The following MICU1 variants were observed in gnomAD, a reference collection of about 807,000 sequenced individuals.
MICU1 encodes mitochondrial calcium uptake 1.
In MICU1, 45 loss-of-function variants were observed where a neutral mutation model predicts 56.8. That is an observed-to-expected ratio of 0.79 (90% CI 0.62 to 1.02). The LOEUF (loss-of-function observed/expected upper bound fraction) is 1.02, where lower values mean the gene tolerates loss of function less well. Among genes scored for constraint, MICU1 ranks in the 50% least tolerant of loss-of-function variants. MICU1 has a pLI of 0.00. For synonymous variants in MICU1, 186 were observed against 195.1 expected (o/e 0.95, Z 0.39); for missense variants, 504 against 587.1 (o/e 0.86, Z 1.46).
intron 5 of MICU1, among the ~76,000 whole-genome samples, chr10:72,509,137 GA>G (rs1314896511): frequency 5.3e-5 from 8 of 152,116 alleles, no homozygotes; most frequent in African/African-American, 1.9e-4. Flanking sequence ...TTCAAAAACT[GA>G]AAAGGATCCA....
intron 8 of MICU1, among the ~76,000 whole-genome samples, chr10:72,435,803 C>T (rs1013455981): frequency 1.3e-5 from 2 of 152,262 alleles, no homozygotes; most frequent in Non-Finnish European, 2.9e-5. Flanking sequence ...CAGCAGTCTG[C>T]GATCGAACTG....
chr10:72,493,256 C>T (rs1314046090), intron 6 of MICU1, among the ~76,000 whole-genome samples: 1 of 152,066 alleles, frequency 6.6e-6, no homozygotes, highest in Non-Finnish European at 1.5e-5. Context: ...CTTTCCAAAA[C>T]AGAATAATAG....
At chr10:72,433,833 TAAAA>T (rs1487950764) in intron 8 of MICU1, among the ~76,000 whole-genome samples, 1 of 152,208 alleles carries the variant, frequency 6.6e-6, no homozygotes. Context: ...CAAGGAAACA[TAAAA>T]TATTAAAACA....
At chr10:72,479,460 C>T (rs1192523578) in intron 6 of MICU1, among the ~76,000 whole-genome samples, 1 of 152,212 alleles carries the variant, frequency 6.6e-6, no homozygotes, top group Non-Finnish European at 1.5e-5. Context: ...GTGTTATGCT[C>T]AGGAGTTTAG....
intron 6 of MICU1, among the ~76,000 whole-genome samples, chr10:72,495,233 TA>T (rs34238664): frequency 0.61 from 88,770 of 145,430 alleles, 27,090 homozygotes; most frequent in Non-Finnish European, 0.68. Context: ...TTCAGAGATC[TA>T]AAAAAAAAAA....
chr10:72,577,124 G>A (rs1362071035), intron 1 of MICU1, among the ~76,000 whole-genome samples: 1 of 152,132 alleles, frequency 6.6e-6, no homozygotes, highest in Non-Finnish European at 1.5e-5. Context: ...ATAAGTGGGA[G>A]CTAAGCTATG....
At chr10:72,465,724 T>A (rs577164113) in intron 8 of MICU1, among the ~76,000 whole-genome samples, 1 of 151,744 alleles carries the variant, frequency 6.6e-6, no homozygotes, top group East Asian at 2.0e-4. Context: ...ATGTTGGCCA[T>A]GCTGGTCTCA....
chr10:72,610,800 A>G (rs1344889487), intron 1 of MICU1, among the ~76,000 whole-genome samples: 1 of 152,236 alleles, frequency 6.6e-6, no homozygotes, highest in Non-Finnish European at 1.5e-5. Context: ...CTTGGAGCAT[A>G]AAGCTGAGTG....
chr10:72,539,277 T>C (rs986449678), intron 4 of MICU1, among the ~76,000 whole-genome samples: 1 of 152,178 alleles, frequency 6.6e-6, no homozygotes, highest in African/African-American at 2.4e-5. Context: ...ATCCAACTGC[T>C]ACAGAATACA....
chr10:72,532,764 C>T (rs1839523294), intron 5 of MICU1: 1 of 680,208 alleles, frequency 1.5e-6, no homozygotes, highest in Non-Finnish European at 1.8e-6. Flanking sequence ...GGCACTGTGC[C>T]ACCTTAATAG....
chr10:72,532,887 C>T (rs1839526144), intron 5 of MICU1: 2 of 1,170,830 alleles, frequency 1.7e-6, no homozygotes, highest in Non-Finnish European at 2.1e-6. Context: ...CTCCACCTTA[C>T]CAGGATATGG....
chr10:72,592,878 G>A (rs6480634), intron 1 of MICU1, among the ~76,000 whole-genome samples: 85,344 of 150,878 alleles, frequency 0.57, 25,516 homozygotes, highest in Non-Finnish European at 0.68. Flanking sequence ...TGCCTCCCGG[G>A]TTCAAGCGAT....
chr10:72,566,483 T>C (rs1840441984), intron 2 of MICU1, 150 bp downstream of exon 2: 1 of 809,974 alleles, frequency 1.2e-6, no homozygotes, highest in Non-Finnish European at 1.9e-6. Flanking sequence ...TTGAAACATC[T>C]TATTTCATAG....
chr10:72,526,593 G>C (rs1158618443), intron 5 of MICU1, among the ~76,000 whole-genome samples: 1 of 152,176 alleles, frequency 6.6e-6, no homozygotes, highest in Non-Finnish European at 1.5e-5. Flanking sequence ...ACTGCGCCCA[G>C]CCAGTAAATT....
chr10:72,547,266 T>G (rs903085751), intron 4 of MICU1, among the ~76,000 whole-genome samples: 7 of 152,042 alleles, frequency 4.6e-5, no homozygotes, highest in African/African-American at 1.4e-4. Context: ...TTTGAACTCC[T>G]GGCCTCAAGC....
Position 72,566,039 on chromosome 10 carries a change from CTTTTTTTTTTTT to C in MICU1, c.161+582_161+593del, listed in dbSNP as rs11376019. Among the ~76,000 whole-genome samples the C allele has an allele frequency of 3.9e-4, 27 of 69,834 alleles. No individual in the cohort carries two copies. The East Asian group carries it at 8.7e-3, about 23-fold the overall frequency. The allele number at this position is 69,834 out of a possible 152,430, so 45.8% of individuals were successfully genotyped here. A position where few individuals can be genotyped will look rare whatever the true frequency, so the allele number is the denominator to read the frequency against. ...TGAAGTCTCAGAAAGCATTCATTTTCTTTTTTTTTTTTTTTTTTTTTTTGGAGACAGTTTTTC... is the reference window on the plus strand; with the variant it reads ...TGAAGTCTCAGAAAGCATTCATTTTCTTTTTTTTTTTGGAGACAGTTTTTC... On this transcript the variant is annotated intron_variant, in intron 2 of 11. Coordinates refer to ENST00000361114, the MANE Select transcript of MICU1 (RefSeq NM_001195518.2).
rs1469823847 is a variant in MICU1, at chr10:72,620,471, C to G, written c.-2+5539G>C. Among the ~76,000 whole-genome samples, 4 of 152,194 alleles carry G rather than the reference C, an allele frequency of 2.6e-5. No individual in the cohort carries two copies. In the East Asian group the frequency reaches 7.7e-4, roughly 29 times the overall value. ...AAAGTACTGGGATTACAGGCATGAG[C>G]CACTGCACCTGGCCAAGCACTTCAA... On this transcript the variant is annotated intron_variant, in intron 1 of 11. Transcript: ENST00000361114.
intron 6 of MICU1, among the ~76,000 whole-genome samples, chr10:72,487,366 A>G (rs1866508644): frequency 6.6e-6 from 1 of 152,174 alleles, no homozygotes; most frequent in Non-Finnish European, 1.5e-5. Context: ...TCAGCTACAG[A>G]CAAGAGCAGA....
chr10:72,403,959 G>A (rs905455193), intron 10 of MICU1, among the ~76,000 whole-genome samples: 3 of 150,770 alleles, frequency 2.0e-5, no homozygotes, highest in African/African-American at 7.3e-5. Context: ...CCGGCAGTGT[G>A]TGTGTGTTTT....
Sources: allele counts gnomAD v4.1 joint callset (sites outside exome capture counted in the v4.1 genomes callset), GRCh38; gene constraint gnomAD v4.1.1; transcripts MANE v1.5; gene names NCBI Gene and HGNC (gene_info 2026-07-23, HGNC 2026-07-21).